The following GALNT18 variants were observed in gnomAD, a reference collection of about 807,000 sequenced individuals.
The protein encoded by GALNT18 is polypeptide N-acetylgalactosaminyltransferase 18.
GALNT18 carries 44 observed loss-of-function variants against 69.5 expected under a neutral mutation model. That is an observed-to-expected ratio of 0.63 (90% CI 0.50 to 0.81). The LOEUF (loss-of-function observed/expected upper bound fraction) is 0.81. Ranked by LOEUF, GALNT18 falls within the 40% of genes least tolerant of loss-of-function variation. The probability of loss-of-function intolerance (pLI) is 0.00; values close to 1 mark genes in which losing one functional copy is unlikely to be tolerated. For synonymous variants in GALNT18, 364 were observed against 318.2 expected (o/e 1.14, Z -1.53); for missense variants, 715 against 810.0 (o/e 0.88, Z 1.42).
chr11:11,512,349 G>A (rs1189491196), intron 1 of GALNT18, among the ~76,000 whole-genome samples: 1 of 152,168 alleles, frequency 6.6e-6, no homozygotes, highest in African/African-American at 2.4e-5. Context: ...ACCCAGATCC[G>A]CCAGGAGGAC....
At chr11:11,434,342 C>T (rs1855349340) in intron 2 of GALNT18, among the ~76,000 whole-genome samples, 1 of 152,236 alleles carries the variant, frequency 6.6e-6, no homozygotes, top group African/African-American at 2.4e-5. Context: ...TTTGTTCTTG[C>T]ATTTAATGGA....
At chr11:11,433,619 G>C (rs1855326717) in intron 2 of GALNT18, among the ~76,000 whole-genome samples, 1 of 152,168 alleles carries the variant, frequency 6.6e-6, no homozygotes, top group African/African-American at 2.4e-5. Context: ...GAGGACTTGA[G>C]GTATTCCCCA....
rs570671570 is a variant in GALNT18 at position 11,508,680 on chromosome 11, C to A, written c.236-59744G>T. Among the ~76,000 whole-genome samples, 24 of 152,340 alleles carry A rather than the reference C, an allele frequency of 1.6e-4. 1 individual carries two copies. The South Asian group carries it at 4.8e-3, about 30-fold the overall frequency. On this transcript the variant is annotated intron_variant, in intron 1 of 10. Coordinates refer to ENST00000227756, the MANE Select transcript of GALNT18 (RefSeq NM_198516.3). ...ATGGTCTTCATTCACTTCACTCTCT[C>A]TGCAAATCCCATTTGGCACTGGTTA...
chr11:11,484,371 T>A (rs1856597957), intron 1 of GALNT18, among the ~76,000 whole-genome samples: 1 of 151,862 alleles, frequency 6.6e-6, no homozygotes. Context: ...GGTGGGCGGA[T>A]CACCTGAGGT....
At chr11:11,487,234 G>A (rs907392353) in intron 1 of GALNT18, among the ~76,000 whole-genome samples, 9 of 152,038 alleles carry the variant, frequency 5.9e-5, no homozygotes, top group African/African-American at 9.7e-5. Flanking sequence ...GCATAAGAAT[G>A]ACACAGTGGA....
At position 11,597,724 on chromosome 11, in the gene GALNT18, G is replaced by A. The variant is rs112180481; in HGVS notation, c.235+23635C>T. On this transcript the variant is annotated intron_variant, in intron 1 of 10. Coordinates refer to ENST00000227756, the MANE Select transcript of GALNT18 (RefSeq NM_198516.3). ...CATCCAGGCTAGAGTGCAGTGGAGCGATCTGGGCTCACTGCAAGCTCCACC... is the reference window on the plus strand; with the variant it reads ...CATCCAGGCTAGAGTGCAGTGGAGCAATCTGGGCTCACTGCAAGCTCCACC... 5.3e-5 allele frequency among the ~76,000 whole-genome samples: 8 copies of A among 150,126 alleles called. No homozygotes were observed. In the East Asian group the frequency reaches 5.9e-4, roughly 11 times the overall value.
At chr11:11,422,912 A>C (rs1366300419) in intron 3 of GALNT18, among the ~76,000 whole-genome samples, 2 of 152,228 alleles carry the variant, frequency 1.3e-5, no homozygotes, top group Non-Finnish European at 2.9e-5. Flanking sequence ...TTTGTCATTC[A>C]TCAGGATTTT....
In GALNT18 at chr11:11,341,029, T is replaced by C; in HGVS notation, c.1093-25A>G. On this transcript the variant is annotated intron_variant, in intron 6 of 10. Transcript: ENST00000227756. This position sits in a 1 kb window ranked among gnomAD's most constrained non-coding sequence, Gnocchi z 6.3. ...CCTGCAGAAGACATGGAGCCACTTG[T>C]CAGAGCCTGCCTGGCTCTGCCTTTC... is the stretch of plus-strand genomic sequence containing the variant. 2 of 1,571,562 alleles carry C rather than the reference T, an allele frequency of 1.3e-6. No homozygotes were observed. The highest frequency in any genetic ancestry group is 1.8e-5 in the Admixed American group (1 of 55,384).
At chr11:11,288,849 T>C (rs1337560784) in intron 10 of GALNT18, among the ~76,000 whole-genome samples, 1 of 150,554 alleles carries the variant, frequency 6.6e-6, no homozygotes, top group Non-Finnish European at 1.5e-5. Flanking sequence ...CAAATGCCTA[T>C]CTATCTTCTT....
In GALNT18 at chr11:11,598,709, C is replaced by A. The variant is rs1859560756; in HGVS notation, c.235+22650G>T. The stretch of plus-strand genomic sequence containing the variant: ...CAGCTAGGTAATTAAGATATTTTTT[C>A]TTTTTCAATATAGACATTTATAGTT... On this transcript the variant is annotated intron_variant, in intron 1 of 10. Transcript: ENST00000227756. This position sits in a 1 kb window ranked among gnomAD's most constrained non-coding sequence, Gnocchi z 4.8. Among the ~76,000 whole-genome samples the A allele has an allele frequency of 6.6e-6, 1 of 152,052 alleles. No individual in the cohort carries two copies. The highest frequency in any genetic ancestry group is 1.5e-5 in the Non-Finnish European group (1 of 67,982).
intron 1 of GALNT18, among the ~76,000 whole-genome samples, chr11:11,521,168 G>T (rs1368749036): frequency 6.6e-6 from 1 of 151,652 alleles, no homozygotes; most frequent in African/African-American, 2.4e-5. Context: ...GCTCTCTTTT[G>T]TGCCCCATAA....
chr11:11,304,779 A>G (rs1470573504), intron 9 of GALNT18, among the ~76,000 whole-genome samples: 1 of 152,200 alleles, frequency 6.6e-6, no homozygotes, highest in Non-Finnish European at 1.5e-5. Flanking sequence ...GACAGACGTC[A>G]TTCCCAATCA....
At chr11:11,304,065 T>C (rs1406216836) in intron 9 of GALNT18, among the ~76,000 whole-genome samples, 1 of 152,150 alleles carries the variant, frequency 6.6e-6, no homozygotes, top group Non-Finnish European at 1.5e-5. Context: ...AAGAGCCAAG[T>C]AGACTTCTCC....
In GALNT18 at chr11:11,344,456, C is replaced by G. The variant is rs550984925; in HGVS notation, c.1093-3452G>C. ...AATTGCTTGTTTAATCACCTCCTTC[C>G]CTCTTGCAAAATGTTCTCAAACTTG... is the stretch of plus-strand genomic sequence containing the variant. On this transcript the variant is annotated intron_variant, in intron 6 of 10. Transcript: ENST00000227756. Among the ~76,000 whole-genome samples the G allele has an allele frequency of 1.5e-4, 23 of 152,316 alleles. 1 individual carries two copies. The South Asian group carries it at 4.4e-3, about 29-fold the overall frequency.
rs1850149657 is a variant in GALNT18 at position 11,338,437 on chromosome 11, G to A, written c.1278+2382C>T. On this transcript the variant is annotated intron_variant, in intron 7 of 10. Coordinates refer to ENST00000227756, the MANE Select transcript of GALNT18 (RefSeq NM_198516.3). This position sits in a 1 kb window ranked among gnomAD's most constrained non-coding sequence, Gnocchi z 5.3. ...GGGCCTGAATGCAGACATGAGGGGA[G>A]GTCGGGGTGGGAAGGAGGGCTTGTG... Among the ~76,000 whole-genome samples, 1 of 152,166 alleles carries A rather than the reference G, an allele frequency of 6.6e-6. No individual in the cohort carries two copies. The highest frequency in any genetic ancestry group is 2.4e-5 in the African/African-American group (1 of 41,430).
At chr11:11,458,048 C>A (rs1590020853) in intron 1 of GALNT18, among the ~76,000 whole-genome samples, 1 of 152,134 alleles carries the variant, frequency 6.6e-6, no homozygotes, top group Admixed American at 6.5e-5. Context: ...GGGTGCAGAC[C>A]CAGATGGTCC....
intron 2 of GALNT18, among the ~76,000 whole-genome samples, chr11:11,442,184 A>G (rs1414285537): frequency 3.3e-5 from 5 of 152,150 alleles, no homozygotes; most frequent in Non-Finnish European, 5.9e-5. Context: ...ACTGTCTCCT[A>G]TCTTCAAAGC....
chr11:11,546,840 G>T lies in GALNT18; in HGVS notation c.235+74519C>A, dbSNP rs60547849. ...TTCGGTCAGATGGATGGATGGGTGG[G>T]TTGGGTGTGTGGGTGGGCAGATGAG... On this transcript the variant is annotated intron_variant, in intron 1 of 10. Transcript: ENST00000227756. This position sits in a 1 kb window ranked among gnomAD's most constrained non-coding sequence, Gnocchi z 5.8. Among the ~76,000 whole-genome samples the T allele has an allele frequency of 1.3e-5, 2 of 151,708 alleles. No homozygotes were observed. Among genetic ancestry groups the T allele is most frequent in the African/African-American group, 4.8e-5 (2 of 41,336 alleles).
At chr11:11,299,662 T>C (rs1475762441) in intron 9 of GALNT18, among the ~76,000 whole-genome samples, 1 of 152,270 alleles carries the variant, frequency 6.6e-6, no homozygotes, top group Non-Finnish European at 1.5e-5. Flanking sequence ...TTCCTGTTCA[T>C]GGCTGAGAAG....
Sources: allele counts gnomAD v4.1 joint callset (sites outside exome capture counted in the v4.1 genomes callset), GRCh38; gene constraint gnomAD v4.1.1; non-coding constraint Gnocchi (gnomAD v3.1); transcripts MANE v1.5; gene names NCBI Gene and HGNC (gene_info 2026-07-23, HGNC 2026-07-21).